The following NELFB variants were observed in gnomAD, a reference collection of about 807,000 sequenced individuals.
The protein encoded by NELFB is negative elongation factor complex member B.
Under a neutral mutation model 60.2 loss-of-function variants are expected in NELFB, and 34 were observed. The observed-to-expected ratio is 0.56, with a 90% CI of 0.43 to 0.75. NELFB has a LOEUF of 0.75. NELFB is among the 30% of genes least tolerant of loss of function. The pLI is 0.00. For synonymous variants in NELFB, 459 were observed against 382.1 expected, an observed-to-expected ratio of 1.20 and a Z score of -2.35; for missense variants, 770 against 831.6, an observed-to-expected ratio of 0.93 and a Z score of 0.91.
chr9:137,256,476 T>C, intron 3 of NELFB, 48 bp downstream of exon 3: 1 of 1,546,334 alleles, frequency 6.5e-7, no homozygotes, highest in Non-Finnish European at 8.9e-7. Flanking sequence ...CCGCCCACTC[T>C]CATGCCCTTG....
chr9:137,265,054 T>TTTTTTTTTTTC lies in NELFB; in HGVS notation c.1040+697_1040+698insTTTTTTTTTTC, dbSNP rs1554791518. 1.8e-5 allele frequency among the ~76,000 whole-genome samples: 2 copies of TTTTTTTTTTTC among 114,036 alleles called. 1 individual carries two copies. Among genetic ancestry groups the TTTTTTTTTTTC allele is most frequent in the Non-Finnish European group, 3.9e-5 (2 of 50,850 alleles). The allele number at this position is 114,036 out of a possible 152,430, so 74.8% of individuals were successfully genotyped here. On this transcript the variant is annotated intron_variant, in intron 6 of 12. Coordinates refer to ENST00000343053, the MANE Select transcript of NELFB (RefSeq NM_015456.5). ...TCCTTTTTTTTTTTTTTTTTTTTTT[T>TTTTTTTTTTTC]CTGAGACAGGGTCTCTGTCACCCAG...
chr9:137,266,063 C>A (rs559513732), intron 7 of NELFB, 84 bp downstream of exon 7: 1 of 1,106,458 alleles, frequency 9.0e-7, no homozygotes, highest in Non-Finnish European at 1.3e-6. Context: ...TGGACAGCAG[C>A]GGCCAGGTGG....
chr9:137,263,586 T>G, intron 5 of NELFB, among the ~76,000 whole-genome samples: 1 of 150,708 alleles, frequency 6.6e-6, no homozygotes, highest in Non-Finnish European at 1.5e-5. Flanking sequence ...CGCCCTTCTC[T>G]CCCATGCCTG....
At chr9:137,256,742 C>T (rs1352097129) in intron 3 of NELFB, 82 bp from the exon 4 acceptor site, 16 of 1,342,380 alleles carry the variant, frequency 1.2e-5, no homozygotes, top group Non-Finnish European at 4.2e-6. Flanking sequence ...GTGGTCTCTG[C>T]GGGGCTGAGG....
chr9:137,267,392 C>T (rs1830534558), intron 10 of NELFB, 46 bp downstream of exon 10: 4 of 1,535,606 alleles, frequency 2.6e-6, no homozygotes, highest in Middle Eastern at 1.8e-4. Flanking sequence ...CCTGCGGCAG[C>T]TGCCGTATGC....
At chr9:137,262,910 T>C (rs1227979782) in intron 4 of NELFB, 127 bp from the exon 5 acceptor site, 1 of 913,866 alleles carries the variant, frequency 1.1e-6, no homozygotes, top group Non-Finnish European at 1.7e-6. Context: ...GAGGAGGGAA[T>C]GTTTTCTGCC....
rs1433410930 is a variant in NELFB at position 137,265,997 on chromosome 9, C to T, written c.1143+18C>T. The T allele has an allele frequency of 1.3e-6, 2 of 1,584,544 alleles. No individual in the cohort carries two copies. The highest frequency in any genetic ancestry group is 1.7e-6 in the Non-Finnish European group (2 of 1,154,888). On this transcript the variant is annotated intron_variant, in intron 7 of 12. Coordinates refer to ENST00000343053, the MANE Select transcript of NELFB (RefSeq NM_015456.5). ...TGCCCAGGGTGAGTGTGGGCTTGGC[C>T]AGCAGCTGTCGGGGCCATGCGGCCA...
chr9:137,255,810 G>A (rs528374974), intron 1 of NELFB, 97 bp from the exon 2 acceptor site: 12 of 1,553,690 alleles, frequency 7.7e-6, no homozygotes, highest in Non-Finnish European at 1.0e-5. Flanking sequence ...CGCCAGCACG[G>A]CTGGGAACAC....
intron 2 of NELFB, 66 bp from the exon 3 acceptor site, chr9:137,256,263 G>C: frequency 6.7e-7 from 1 of 1,496,348 alleles, no homozygotes. Flanking sequence ...TATCTGTGTA[G>C]GGACAGGCAG....
chr9:137,262,226 G>A (rs750684707), intron 4 of NELFB, among the ~76,000 whole-genome samples: 7 of 152,156 alleles, frequency 4.6e-5, no homozygotes, highest in Non-Finnish European at 8.8e-5. Context: ...TGGAGGAGCA[G>A]AGTTTTCTCT....
rs199971663 is a variant in NELFB at position 137,272,921 on chromosome 9, C to T, written c.1880C>T (p.Pro627Leu). The change falls in exon 13 of 13, where the codon CCG becomes CTG. Residue 627 changes from proline (P) to leucine (L), a missense_variant. Transcript: ENST00000343053. ...CTCCCCAGCGTGCCCGCCCCTGCCC[C>T]GCTCTGAGGGCCCTCCAGACCTGCT... 20 of 1,530,842 alleles carry T rather than the reference C, an allele frequency of 1.3e-5. No individual in the cohort carries two copies. The Admixed American group carries it at 2.0e-4, about 16-fold the overall frequency. 94.8% of individuals were successfully genotyped at this position (1,530,842 alleles called of 1,614,324 possible).
intron 4 of NELFB, among the ~76,000 whole-genome samples, chr9:137,261,466 C>T (rs1320449008): frequency 4.0e-5 from 6 of 151,724 alleles, no homozygotes; most frequent in South Asian, 2.1e-4. Flanking sequence ...AAGACCAGCC[C>T]GGGCAACATG....
At chr9:137,272,254 T>C in intron 11 of NELFB, 32 bp downstream of exon 11, 2 of 1,611,336 alleles carry the variant, frequency 1.2e-6, no homozygotes, top group Non-Finnish European at 1.7e-6. Flanking sequence ...CGGCCCGCTC[T>C]GTCCTCTCAG....
At chr9:137,255,758 C>A in intron 1 of NELFB, 147 bp downstream of exon 1, 1 of 1,456,604 alleles carries the variant, frequency 6.9e-7, no homozygotes, top group Non-Finnish European at 9.3e-7. Flanking sequence ...AGCCAGCACC[C>A]CTTTGCTGGA....
rs1189114474 is a variant in NELFB, at chr9:137,269,115, G to A, written c.1489+1769G>A. On this transcript the variant is annotated intron_variant, in intron 10 of 12. Coordinates refer to ENST00000343053, the MANE Select transcript of NELFB (RefSeq NM_015456.5). The surrounding 1 kb of genome is among the most constrained non-coding windows in gnomAD (Gnocchi z 5.3). Reference sequence around the variant, plus strand: ...ACAGCACGTGCCTATTGTGTTTCTCGGTGGCTGGTGTGTTTGAGGATGGCG... The same window carrying A: ...ACAGCACGTGCCTATTGTGTTTCTCAGTGGCTGGTGTGTTTGAGGATGGCG... Among the ~76,000 whole-genome samples, 6 of 152,160 alleles carry A rather than the reference G, an allele frequency of 3.9e-5. No individual in the cohort carries two copies. The highest frequency in any genetic ancestry group is 1.3e-4 in the Admixed American group (2 of 15,278).
intron 6 of NELFB, among the ~76,000 whole-genome samples, chr9:137,265,566 T>C (rs1830508098): frequency 2.0e-5 from 3 of 151,614 alleles, no homozygotes; most frequent in Admixed American, 2.0e-4. Flanking sequence ...TTTTTTGTAT[T>C]TTTGGTAGAG....
intron 11 of NELFB, 90 bp from the exon 12 acceptor site, chr9:137,272,417 C>G: frequency 6.9e-7 from 1 of 1,458,380 alleles, no homozygotes; most frequent in Non-Finnish European, 9.3e-7. Context: ...CATGTCCTGT[C>G]TCCAGGGGCC....
intron 4 of NELFB, 152 bp downstream of exon 4, chr9:137,257,206 A>G: frequency 1.5e-6 from 1 of 646,240 alleles, no homozygotes; most frequent in East Asian, 2.7e-5. Context: ...TGGCTTGTAC[A>G]CATGCTGGAA....
chr9:137,259,636 C>T (rs1026516158), intron 4 of NELFB, among the ~76,000 whole-genome samples: 3 of 150,588 alleles, frequency 2.0e-5, no homozygotes, highest in African/African-American at 4.9e-5. Flanking sequence ...GGTTGATTCT[C>T]TTTTATTTTT....
Sources: gnomAD v4.1 joint callset for allele counts (sites outside exome capture counted in the v4.1 genomes callset) on GRCh38, gnomAD v4.1.1 for gene constraint, Gnocchi (gnomAD v3.1) non-coding constraint, MANE v1.5 for transcripts, NCBI Gene and HGNC (gene_info 2026-07-23, HGNC 2026-07-21) for gene names.